Variants in ZNF577 observed in about 807,000 individuals in gnomAD.
ZNF577 encodes the protein zinc finger protein 577.
In ZNF577, 14 loss-of-function variants were observed where a neutral mutation model predicts 13.9. The observed-to-expected ratio is 1.00, with a 90% confidence interval of 0.66 to 1.57. The LOEUF is 1.57. Among genes scored for constraint, ZNF577 ranks in the 40% most tolerant of loss-of-function variants. ZNF577 has a pLI of 0.00. For missense variants in ZNF577, 555 were observed against 579.2 expected, an observed-to-expected ratio of 0.96 and a Z score of 0.43; for synonymous variants, 203 against 202.9, an observed-to-expected ratio of 1.00 and a Z score of 0.00.
At chr19:51,831,815 A>G (rs1313495262) in intron 9 of ZNF577, among the ~76,000 whole-genome samples, 1 of 152,184 alleles carries the variant, frequency 6.6e-6, no homozygotes, top group African/African-American at 2.4e-5. Flanking sequence ...TTACACTAGT[A>G]ATATCTTTAT....
chr19:51,817,968 T>C (rs1251590988), intron 9 of ZNF577: 1 of 151,410 alleles, frequency 6.6e-6, no homozygotes, highest in Non-Finnish European at 1.5e-5. Flanking sequence ...TTTTGTTTTG[T>C]TTTTTCAGTC....
In ZNF577 at chr19:51,887,639, T is replaced by A. The variant is rs1221726955; in HGVS notation, c.-1037A>T. 6.6e-6 allele frequency: 1 copy of A among 151,900 alleles called. No homozygotes were observed. Among genetic ancestry groups the A allele is most frequent in the Non-Finnish European group, 1.5e-5 (1 of 67,994 alleles). The allele number at this position is 151,900 out of a possible 1,614,324, so 9.4% of individuals were successfully genotyped here. A position where few individuals can be genotyped will look rare whatever the true frequency, so the allele number is the denominator to read the frequency against. ...CTAGCGCTACTGTGCAACGAAGACCTCCCAAGCACTGGTTCCAATGCGGAG... is the reference window on the plus strand; with the variant it reads ...CTAGCGCTACTGTGCAACGAAGACCACCCAAGCACTGGTTCCAATGCGGAG... On this transcript the variant is annotated 5_prime_UTR_variant, in exon 1 of 6. Coordinates refer to ENST00000638348, the MANE Select transcript of ZNF577 (RefSeq NM_001370449.1).
At chr19:51,884,020 G>A (rs2084904375) in intron 1 of ZNF577, among the ~76,000 whole-genome samples, 1 of 152,240 alleles carries the variant, frequency 6.6e-6, no homozygotes, top group Non-Finnish European at 1.5e-5. Flanking sequence ...ATTGCAGTGA[G>A]CCAAGATAAC....
intron 9 of ZNF577, among the ~76,000 whole-genome samples, chr19:51,831,776 A>G (rs1044543700): frequency 1.3e-5 from 2 of 152,180 alleles, no homozygotes; most frequent in African/African-American, 4.8e-5. Flanking sequence ...CTTCCTCAAC[A>G]GTTTTTCTTT....
At chr19:51,864,315 A>G (rs185595386), downstream of ZNF577, among the ~76,000 whole-genome samples, 9 of 152,246 alleles carry the variant, frequency 5.9e-5, no homozygotes, top group East Asian at 3.9e-4. Flanking sequence ...AAGAACCAAG[A>G]TGTTTCTGAT....
chr19:51,809,888 T>G (rs1349807250), intron 10 of ZNF577, among the ~76,000 whole-genome samples: 1 of 152,128 alleles, frequency 6.6e-6, no homozygotes, highest in Non-Finnish European at 1.5e-5. Context: ...GGACTGGGAA[T>G]GCCCTCATTG....
chr19:51,850,406 T>C (rs1174017039), intron 5 of ZNF577, among the ~76,000 whole-genome samples: 1 of 152,366 alleles, frequency 6.6e-6, no homozygotes, highest in South Asian at 2.1e-4. Context: ...ACTTCCCTTA[T>C]TGGCATTATT....
chr19:51,881,915 G>T (rs1473110574), intron 1 of ZNF577, among the ~76,000 whole-genome samples: 1 of 152,136 alleles, frequency 6.6e-6, no homozygotes, highest in Non-Finnish European at 1.5e-5. Context: ...GAATTTTGCT[G>T]TCATCCCAGC....
chr19:51,864,698 A>T (rs2084540391), downstream of ZNF577, among the ~76,000 whole-genome samples: 1 of 152,224 alleles, frequency 6.6e-6, no homozygotes, highest in Non-Finnish European at 1.5e-5. Context: ...TAGATCTCCA[A>T]GCAATTCCCA....
At chr19:51,823,694 A>G (rs747654600) in intron 9 of ZNF577, 25 of 1,406,864 alleles carry the variant, frequency 1.8e-5, no homozygotes, top group Non-Finnish European at 2.1e-5. Context: ...TTGTATTGTA[A>G]GATGGTGTCA....
In ZNF577 at chr19:51,873,042, A is replaced by C; in HGVS notation, c.948T>G (p.His316Gln). 1 of 1,614,144 alleles carries C rather than the reference A, an allele frequency of 6.2e-7. No homozygotes were observed. The highest frequency in any genetic ancestry group is 8.5e-7 in the Non-Finnish European group (1 of 1,180,012). The change falls in exon 6 of 6, where the codon CAT (histidine) becomes CAG (glutamine). Residue 316 changes from histidine (H) to glutamine (Q), a missense_variant. By Grantham distance (24) the His-to-Gln change is conservative. Coordinates refer to ENST00000638348, the MANE Select transcript of ZNF577 (RefSeq NM_001370449.1). ...TFYFKSDLTR[H>Q]QRIHTGEKPY... is the part of the protein sequence containing the mutation. The stretch of plus-strand genomic sequence containing the variant: ...GTTTCTCTCCCGTATGAATCCTCTG[A>C]TGTCTGGTCAGGTCTGACTTAAAAT...
At chr19:51,855,668 A>T (rs569254572) in intron 5 of ZNF577, 3 of 152,306 alleles carry the variant, frequency 2.0e-5, no homozygotes, top group African/African-American at 7.2e-5. Flanking sequence ...ACGGTACTGC[A>T]GGCTTAGGCT....
intron 5 of ZNF577, among the ~76,000 whole-genome samples, chr19:51,857,977 G>C (rs1428308235): frequency 6.6e-6 from 1 of 151,984 alleles, no homozygotes; most frequent in African/African-American, 2.4e-5. Flanking sequence ...CATTGTGTCT[G>C]GCCTGCTTTT....
At chr19:51,877,553 C>A in intron 4 of ZNF577, 176 bp from the exon 5 acceptor site, 1 of 506,922 alleles carries the variant, frequency 2.0e-6, no homozygotes, top group South Asian at 3.0e-5. Flanking sequence ...CTGCGTGACA[C>A]ACCCATACCC....
intron 9 of ZNF577, chr19:51,825,847 CAAGAG>C (rs1371305227): frequency 6.0e-6 from 1 of 166,984 alleles, no homozygotes; most frequent in Admixed American, 6.5e-5. Flanking sequence ...GAAAAGAGTA[CAAGAG>C]AAGAGACAAA....
At chr19:51,804,914 G>C (rs546610496) in exon 11 of ZNF577, 3 of 152,378 alleles carry the variant, frequency 2.0e-5, no homozygotes, top group South Asian at 4.1e-4. Flanking sequence ...TAGTGAGAAG[G>C]GGGGTGGAAG....
chr19:51,877,432 G>A (rs548882617), intron 4 of ZNF577, 55 bp from the exon 5 acceptor site: 1 of 1,407,616 alleles, frequency 7.1e-7, no homozygotes, highest in South Asian at 1.2e-5. Context: ...AATGGATGAA[G>A]ATGGAGAGGG....
At chr19:51,815,552 G>A (rs938915813) in intron 9 of ZNF577, among the ~76,000 whole-genome samples, 1 of 126,998 alleles carries the variant, frequency 7.9e-6, no homozygotes, top group Non-Finnish European at 1.6e-5. Flanking sequence ...CTGAGGGACA[G>A]GGTGAGACTC....
At chr19:51,831,652 C>T (rs924241181) in intron 9 of ZNF577, among the ~76,000 whole-genome samples, 1 of 152,122 alleles carries the variant, frequency 6.6e-6, no homozygotes, top group African/African-American at 2.4e-5. Context: ...GTGCCCATCT[C>T]TTGATTAACA....
Sources: allele counts gnomAD v4.1 joint callset (sites outside exome capture counted in the v4.1 genomes callset), GRCh38; gene constraint gnomAD v4.1.1; transcripts MANE v1.5; gene names NCBI Gene and HGNC (gene_info 2026-07-23, HGNC 2026-07-21).